Variants in CTNNA3 observed in about 807,000 individuals in gnomAD.
CTNNA3 encodes catenin alpha 3.
A neutral mutation model predicts 95.7 loss-of-function variants in CTNNA3; 76 were observed. The observed-to-expected ratio is 0.79, with a 90% CI of 0.66 to 0.96. The LOEUF is 0.96. CTNNA3 is among the 40% of genes least tolerant of loss of function. The pLI is 0.00. For missense variants in CTNNA3, 1,191 were observed against 1,089.8 expected (o/e 1.09, Z -1.31); for synonymous variants, 431 against 374.4 (o/e 1.15, Z -1.74).
chr10:65,974,445 G>T (rs1332643251), intron 16 of CTNNA3, among the ~76,000 whole-genome samples: 1 of 152,146 alleles, frequency 6.6e-6, no homozygotes, highest in East Asian at 1.9e-4. Context: ...TTGCAGCAAT[G>T]TGGATGCAGC....
chr10:66,859,424 A>G (rs1348920794), intron 7 of CTNNA3, among the ~76,000 whole-genome samples: 1 of 151,742 alleles, frequency 6.6e-6, no homozygotes, highest in African/African-American at 2.4e-5. Flanking sequence ...AATGCTTACC[A>G]TCACTGGCCA....
chr10:67,761,101 G>A (rs1212249429), intron 1 of CTNNA3, among the ~76,000 whole-genome samples: 3 of 152,142 alleles, frequency 2.0e-5, no homozygotes, highest in Non-Finnish European at 4.4e-5. Flanking sequence ...AACATATTCA[G>A]TAGGCAACTG....
intron 3 of CTNNA3, among the ~76,000 whole-genome samples, chr10:67,576,714 C>T (rs1842166750): frequency 9.6e-6 from 1 of 104,596 alleles, no homozygotes; most frequent in Non-Finnish European, 1.8e-5. Flanking sequence ...CTCCCCCCAC[C>T]CCACAACAGT....
At chr10:66,706,835 A>T (rs930750579) in intron 9 of CTNNA3, among the ~76,000 whole-genome samples, 1 of 152,034 alleles carries the variant, frequency 6.6e-6, no homozygotes, top group Non-Finnish European at 1.5e-5. Context: ...CACCATAAGG[A>T]AAAAAATATT....
chr10:66,749,199 A>G (rs1456111810), intron 9 of CTNNA3, among the ~76,000 whole-genome samples: 1 of 111,656 alleles, frequency 9.0e-6, no homozygotes, highest in African/African-American at 3.7e-5. Context: ...GGAAACTCCA[A>G]CTCAAAAAAA....
chr10:66,861,994 G>T (rs747883886), intron 7 of CTNNA3, among the ~76,000 whole-genome samples: 1 of 152,084 alleles, frequency 6.6e-6, no homozygotes, highest in Non-Finnish European at 1.5e-5. Flanking sequence ...GAAGGCTTAT[G>T]ACCTGAGGTC....
At chr10:67,182,867 A>C (rs1862630511) in intron 6 of CTNNA3, among the ~76,000 whole-genome samples, 1 of 152,246 alleles carries the variant, frequency 6.6e-6, no homozygotes, top group Non-Finnish European at 1.5e-5. Flanking sequence ...CCCCATCAAC[A>C]ACTGGGCAAA....
At chr10:67,568,569 A>G (rs1841886877) in intron 3 of CTNNA3, among the ~76,000 whole-genome samples, 3 of 151,890 alleles carry the variant, frequency 2.0e-5, no homozygotes, top group Non-Finnish European at 2.9e-5. Context: ...ACACATATAT[A>G]TATATGCAAG....
chr10:66,418,087 A>G (rs187354697), intron 11 of CTNNA3, among the ~76,000 whole-genome samples: 1 of 148,256 alleles, frequency 6.7e-6, no homozygotes, highest in African/African-American at 2.5e-5. Flanking sequence ...TAGTTTTTTG[A>G]AAGTATAAAC....
At chr10:66,629,820 C>T (rs1845070232) in intron 9 of CTNNA3, among the ~76,000 whole-genome samples, 1 of 152,112 alleles carries the variant, frequency 6.6e-6, no homozygotes, top group Non-Finnish European at 1.5e-5. Flanking sequence ...ATGCTCTCTT[C>T]CTCCCTTTTC....
At chr10:66,412,283 A>G (rs1489697529) in intron 11 of CTNNA3, among the ~76,000 whole-genome samples, 1 of 152,088 alleles carries the variant, frequency 6.6e-6, no homozygotes, top group African/African-American at 2.4e-5. Context: ...TATACTTGGA[A>G]TAATAAGCAC....
intron 12 of CTNNA3, among the ~76,000 whole-genome samples, chr10:66,351,450 T>G (rs2092566390): frequency 2.0e-5 from 3 of 151,946 alleles, no homozygotes; most frequent in African/African-American, 7.2e-5. Flanking sequence ...AAATAGCAGA[T>G]ATTAAAAAAA....
chr10:65,984,454 T>C (rs2078384448), intron 16 of CTNNA3, among the ~76,000 whole-genome samples: 1 of 151,378 alleles, frequency 6.6e-6, no homozygotes, highest in Non-Finnish European at 1.5e-5. Context: ...AACTATTTTA[T>C]GTATGAAATG....
At chr10:67,355,120 A>G (rs1027750815) in intron 5 of CTNNA3, among the ~76,000 whole-genome samples, 13 of 152,082 alleles carry the variant, frequency 8.5e-5, no homozygotes, top group Non-Finnish European at 4.4e-5. Context: ...ATGGTTGTCA[A>G]AGTGGGGTAT....
intron 11 of CTNNA3, among the ~76,000 whole-genome samples, chr10:66,500,604 A>T (rs1016657434): frequency 3.3e-5 from 5 of 152,160 alleles, no homozygotes; most frequent in African/African-American, 1.2e-4. Context: ...TAGGTATGAA[A>T]CATAAAGTAC....
chr10:67,645,193 GCA>G (rs113262576), intron 2 of CTNNA3, among the ~76,000 whole-genome samples: 61 of 148,548 alleles, frequency 4.1e-4, no homozygotes, highest in Non-Finnish European at 5.3e-4. Flanking sequence ...GCACGTGCGC[GCA>G]CACACACACA....
intron 5 of CTNNA3, among the ~76,000 whole-genome samples, chr10:67,457,776 A>G (rs1183678767): frequency 2.0e-5 from 3 of 152,072 alleles, no homozygotes; most frequent in Non-Finnish European, 4.4e-5. Flanking sequence ...CTCTGTTCTC[A>G]AAGCCAGCAA....
At chr10:67,172,123 C>T (rs956214122) in intron 7 of CTNNA3, among the ~76,000 whole-genome samples, 1 of 152,236 alleles carries the variant, frequency 6.6e-6, no homozygotes, top group African/African-American at 2.4e-5. Context: ...ACTCCCTCAA[C>T]TGTCTAATGA....
intron 1 of CTNNA3, among the ~76,000 whole-genome samples, chr10:67,694,904 T>C (rs149426625): frequency 6.6e-6 from 1 of 152,314 alleles, no homozygotes; most frequent in East Asian, 1.9e-4. Flanking sequence ...ATTTAGACTA[T>C]GTGTAGGAGG....
Sources: gnomAD v4.1 joint callset for allele counts (sites outside exome capture counted in the v4.1 genomes callset) on GRCh38, gnomAD v4.1.1 for gene constraint, MANE v1.5 for transcripts, NCBI Gene and HGNC (gene_info 2026-07-23, HGNC 2026-07-21) for gene names.